The following CCDC30 variants were observed in gnomAD, a reference collection of about 807,000 sequenced individuals.
CCDC30 encodes the protein coiled-coil domain-containing protein 30.
In CCDC30, 70 loss-of-function variants were observed where a neutral mutation model predicts 100.2. The ratio of observed to expected loss-of-function variants is 0.70; its 90% CI spans 0.58 to 0.85. The LOEUF (loss-of-function observed/expected upper bound fraction) is 0.85. Among genes scored for constraint, CCDC30 ranks in the 40% least tolerant of loss-of-function variants. The probability of loss-of-function intolerance (pLI) is 0.00; values close to 1 mark genes in which losing one functional copy is unlikely to be tolerated. For synonymous variants in CCDC30, 233 were observed against 269.5 expected (o/e 0.86, Z 1.33); for missense variants, 652 against 771.2 (o/e 0.85, Z 1.83).
At chr1:42,534,628 G>A (rs1392746061) in intron 6 of CCDC30, among the ~76,000 whole-genome samples, 2 of 152,150 alleles carry the variant, frequency 1.3e-5, no homozygotes, top group African/African-American at 4.8e-5. Flanking sequence ...AGGTAAATTA[G>A]TAGTTTGATT....
chr1:42,627,491 C>T (rs1399327540), intron 11 of CCDC30, among the ~76,000 whole-genome samples: 1 of 152,094 alleles, frequency 6.6e-6, no homozygotes, highest in Non-Finnish European at 1.5e-5. Context: ...AATGTTAATC[C>T]CCAAGACCGT....
At chr1:42,472,099 C>A (rs1482565719) in intron 1 of CCDC30, among the ~76,000 whole-genome samples, 1 of 151,952 alleles carries the variant, frequency 6.6e-6, no homozygotes, top group South Asian at 2.1e-4. Flanking sequence ...ACTAAAAATA[C>A]AAAAATTAGC....
intron 11 of CCDC30, among the ~76,000 whole-genome samples, chr1:42,622,990 G>A (rs897387316): frequency 6.6e-6 from 1 of 152,150 alleles, no homozygotes; most frequent in Non-Finnish European, 1.5e-5. Context: ...CAATGATGTT[G>A]AGCACCTTTT....
intron 6 of CCDC30, among the ~76,000 whole-genome samples, chr1:42,521,451 T>C (rs1435717162): frequency 6.6e-6 from 1 of 152,240 alleles, no homozygotes; most frequent in Non-Finnish European, 1.5e-5. Context: ...TTAAAATCTA[T>C]TGAGACTTAA....
At chr1:42,503,817 T>G (rs1321848379) in intron 6 of CCDC30, among the ~76,000 whole-genome samples, 1 of 152,194 alleles carries the variant, frequency 6.6e-6, no homozygotes, top group Admixed American at 6.5e-5. Context: ...TAATTTCTTT[T>G]TAACTCCTAT....
chr1:42,508,443 A>G (rs1213654123), intron 6 of CCDC30, among the ~76,000 whole-genome samples: 1 of 152,190 alleles, frequency 6.6e-6, no homozygotes, highest in East Asian at 1.9e-4. Flanking sequence ...AGATGTGCAA[A>G]GAAGTAAGTA....
chr1:42,614,594 C>T (rs1557454349), intron 11 of CCDC30, among the ~76,000 whole-genome samples: 1 of 151,360 alleles, frequency 6.6e-6, no homozygotes, highest in African/African-American at 2.4e-5. Flanking sequence ...CAAGACCAGG[C>T]CAGGCAACAT....
intron 6 of CCDC30, among the ~76,000 whole-genome samples, chr1:42,552,319 C>A (rs548055145): frequency 7.0e-4 from 106 of 152,256 alleles, no homozygotes; most frequent in African/African-American, 2.4e-3. Context: ...GACCGCCATG[C>A]TCTGAATGTG....
chr1:42,548,418 G>C (rs1190954345), intron 6 of CCDC30, among the ~76,000 whole-genome samples: 1 of 152,122 alleles, frequency 6.6e-6, no homozygotes, highest in African/African-American at 2.4e-5. Flanking sequence ...GGGTAAGAGA[G>C]TTGACCATTT....
intron 16 of CCDC30, 60 bp downstream of exon 20, chr1:42,653,503 T>A: frequency 9.1e-7 from 1 of 1,103,618 alleles, no homozygotes; most frequent in Non-Finnish European, 1.4e-6. Context: ...CAGCCATGCC[T>A]GAGAGTCATG....
intron 6 of CCDC30, among the ~76,000 whole-genome samples, chr1:42,559,661 A>G (rs1274278767): frequency 6.6e-6 from 1 of 152,202 alleles, no homozygotes; most frequent in Non-Finnish European, 1.5e-5. Flanking sequence ...TTAGAGACCT[A>G]CAAAGAGACT....
intron 3 of CCDC30, among the ~76,000 whole-genome samples, chr1:42,484,406 G>T (rs992158945): frequency 5.9e-5 from 9 of 152,098 alleles, no homozygotes; most frequent in African/African-American, 2.2e-4. Flanking sequence ...CATACAAGAA[G>T]AAAAAAGGAA....
In CCDC30 at chr1:42,550,181, C is replaced by T. The variant is rs1645221258; in HGVS notation, c.457-16115C>T. Among the ~76,000 whole-genome samples, 4 of 152,260 alleles carry T rather than the reference C, an allele frequency of 2.6e-5. No individual in the cohort carries two copies. In the South Asian group the frequency reaches 8.3e-4, roughly 32 times the overall value. ...CCACCAACACATCCTGTCACTTCTA[C>T]CATGAAAACATAAAATATTGAATCT... On this transcript the variant is annotated intron_variant, in intron 6 of 16. Coordinates refer to ENST00000668663, the Ensembl canonical transcript of CCDC30.
At chr1:42,500,428 T>C in intron 6 of CCDC30, 1 of 854,884 alleles carries the variant, frequency 1.2e-6, no homozygotes, top group East Asian at 2.5e-5. Context: ...TCTTTTTTTT[T>C]TTTGAGACAG....
chr1:42,588,704 T>C (rs1646125566), intron 9 of CCDC30, among the ~76,000 whole-genome samples: 1 of 152,168 alleles, frequency 6.6e-6, no homozygotes, highest in Non-Finnish European at 1.5e-5. Context: ...ATGGGTATAA[T>C]TGTTCTCCTT....
At chr1:42,569,267 C>T (rs1401454044) in intron 7 of CCDC30, 1 of 152,070 alleles carries the variant, frequency 6.6e-6, no homozygotes, top group African/African-American at 2.4e-5. Flanking sequence ...CTACAAGGAA[C>T]TTAAACACAT....
At chr1:42,644,794 T>G (rs767252610) in exon 14 of CCDC30, 28 of 1,608,474 alleles carry the variant, frequency 1.7e-5, no homozygotes, top group Non-Finnish European at 2.3e-5. Context: ...AGCATCCATA[T>G]TCGCAGAGGA....
intron 7 of CCDC30, among the ~76,000 whole-genome samples, chr1:42,572,068 G>C (rs545928576): frequency 4.6e-5 from 7 of 152,138 alleles, no homozygotes; most frequent in Non-Finnish European, 1.0e-4. Context: ...GAAGAGATTG[G>C]GAGTGGAATT....
At chr1:42,617,639 G>A (rs1191356951) in intron 11 of CCDC30, among the ~76,000 whole-genome samples, 1 of 152,196 alleles carries the variant, frequency 6.6e-6, no homozygotes, top group African/African-American at 2.4e-5. Flanking sequence ...GATTGATCAG[G>A]TCGAAGACTA....
Sources: allele counts gnomAD v4.1 joint callset (sites outside exome capture counted in the v4.1 genomes callset), GRCh38; gene constraint gnomAD v4.1.1; transcripts MANE v1.5; gene names NCBI Gene and HGNC (gene_info 2026-07-23, HGNC 2026-07-21).